Variants in DLC1 observed in about 807,000 individuals in gnomAD.
DLC1 encodes DLC1 Rho GTPase activating protein.
Under a neutral mutation model 140.3 loss-of-function variants are expected in DLC1, and 54 were observed. The ratio of observed to expected loss-of-function variants is 0.38; its 90% CI spans 0.31 to 0.48. The LOEUF (loss-of-function observed/expected upper bound fraction) is 0.48. DLC1 is among the 20% of genes least tolerant of loss of function. The pLI, the probability that DLC1 is intolerant of heterozygous loss-of-function variation, is 0.96. For missense variants in DLC1, 2,536 were observed against 1,907.0 expected (o/e 1.33, Z -6.14); for synonymous variants, 986 against 728.1 (o/e 1.35, Z -5.70).
chr8:13,234,273 T>C (rs1396884192), intron 5 of DLC1, among the ~76,000 whole-genome samples: 3 of 152,168 alleles, frequency 2.0e-5, no homozygotes, highest in African/African-American at 7.2e-5. Flanking sequence ...TAGTTACTTT[T>C]CATGTAACTT....
intron 5 of DLC1, among the ~76,000 whole-genome samples, chr8:13,284,316 C>G (rs1586069345): frequency 1.3e-5 from 2 of 152,170 alleles, no homozygotes; most frequent in African/African-American, 4.8e-5. Flanking sequence ...CACCTAACGT[C>G]AGGAGTTCGA....
chr8:13,395,710 G>A (rs289566), intron 3 of DLC1, among the ~76,000 whole-genome samples: 60,658 of 151,864 alleles, frequency 0.4, 12,532 homozygotes, highest in East Asian at 0.77. Context: ...AAAGACATAC[G>A]CAGCAAAAAG....
At chr8:13,503,999 A>G (rs1421735457) in intron 1 of DLC1, among the ~76,000 whole-genome samples, 8 of 152,248 alleles carry the variant, frequency 5.3e-5, no homozygotes, top group African/African-American at 1.9e-4. Context: ...GATTTCTACT[A>G]TTCTAGAATT....
chr8:13,135,204 CT>C (rs548207973), intron 5 of DLC1, among the ~76,000 whole-genome samples: 24,593 of 130,998 alleles, frequency 0.19, 2,031 homozygotes, highest in African/African-American at 0.32. Context: ...AGTGAGAAGC[CT>C]TTTTTTTTTT....
intron 1 of DLC1, among the ~76,000 whole-genome samples, chr8:13,549,403 T>G (rs1049480191): frequency 6.6e-6 from 1 of 152,158 alleles, no homozygotes; most frequent in African/African-American, 2.4e-5. Flanking sequence ...TTGAAAAGTA[T>G]TTCAAAACAC....
intron 5 of DLC1, among the ~76,000 whole-genome samples, chr8:13,207,379 G>A (rs111452617): frequency 2.6e-5 from 4 of 152,162 alleles, no homozygotes; most frequent in African/African-American, 4.8e-5. Context: ...TATTTTGTCC[G>A]TTTGGAGTTA....
At chr8:13,595,100 A>G (rs1214694736) in intron 1 of DLC1, among the ~76,000 whole-genome samples, 1 of 152,078 alleles carries the variant, frequency 6.6e-6, no homozygotes, top group African/African-American at 2.4e-5. Flanking sequence ...GTAATGACCA[A>G]TGATCACTTG....
At chr8:13,497,253 A>T (rs952821019) in intron 2 of DLC1, among the ~76,000 whole-genome samples, 1 of 152,212 alleles carries the variant, frequency 6.6e-6, no homozygotes, top group East Asian at 1.9e-4. Context: ...TGCCAATTCA[A>T]TGGTATTTTA....
chr8:13,584,823 C>T (rs1302901540), intron 1 of DLC1, among the ~76,000 whole-genome samples: 1 of 152,132 alleles, frequency 6.6e-6, no homozygotes, highest in Non-Finnish European at 1.5e-5. Flanking sequence ...CTCTTCCTAC[C>T]CAATCCTCCC....
intron 2 of DLC1, among the ~76,000 whole-genome samples, chr8:13,414,641 T>A (rs553864681): frequency 1.3e-5 from 2 of 152,172 alleles, no homozygotes; most frequent in Non-Finnish European, 2.9e-5. Flanking sequence ...GGACTCTATA[T>A]GGAAAAGATA....
intron 5 of DLC1, among the ~76,000 whole-genome samples, chr8:13,269,035 G>C (rs1026993547): frequency 1.3e-5 from 2 of 151,786 alleles, no homozygotes; most frequent in Non-Finnish European, 2.9e-5. Context: ...CACCACGCCT[G>C]GCTAATTTTT....
chr8:13,121,379 G>T (rs1821046629), intron 5 of DLC1, among the ~76,000 whole-genome samples: 1 of 152,108 alleles, frequency 6.6e-6, no homozygotes, highest in African/African-American at 2.4e-5. Flanking sequence ...CAGGAATGTT[G>T]TGCAGGTGGA....
intron 2 of DLC1, among the ~76,000 whole-genome samples, chr8:13,463,255 A>C (rs1326090499): frequency 6.6e-6 from 1 of 152,074 alleles, no homozygotes; most frequent in Non-Finnish European, 1.5e-5. Context: ...GATTACTGAA[A>C]TTTGTATCTC....
intron 4 of DLC1, among the ~76,000 whole-genome samples, chr8:13,386,635 C>T (rs1035213117): frequency 2.6e-5 from 4 of 151,998 alleles, no homozygotes; most frequent in Non-Finnish European, 2.9e-5. Context: ...AGTAAATGGC[C>T]GTGGAAATAT....
chr8:13,260,902 T>C (rs759451418), intron 5 of DLC1, among the ~76,000 whole-genome samples: 2 of 152,202 alleles, frequency 1.3e-5, no homozygotes, highest in African/African-American at 2.4e-5. Context: ...TTTTAGTTGG[T>C]TCTCTAGAAG....
intron 1 of DLC1, among the ~76,000 whole-genome samples, chr8:13,570,375 A>G (rs973140868): frequency 1.4e-5 from 2 of 147,984 alleles, no homozygotes; most frequent in Non-Finnish European, 3.0e-5. Flanking sequence ...TACATGTGCC[A>G]TGCTGGTGCG....
intron 5 of DLC1, among the ~76,000 whole-genome samples, chr8:13,255,550 T>G (rs1830186484): frequency 1.3e-5 from 2 of 152,154 alleles, no homozygotes; most frequent in South Asian, 4.1e-4. Context: ...AAATAGTAAA[T>G]GAACAGATGT....
At chr8:13,094,662 T>A in intron 12 of DLC1, 97 bp downstream of exon 12, 1 of 1,344,212 alleles carries the variant, frequency 7.4e-7, no homozygotes, top group Non-Finnish European at 1.0e-6. Flanking sequence ...CGAGACTCCA[T>A]CTCAAAAAAA....
intron 4 of DLC1, among the ~76,000 whole-genome samples, chr8:13,333,316 C>A (rs576169624): frequency 6.6e-6 from 1 of 152,200 alleles, no homozygotes; most frequent in African/African-American, 2.4e-5. Flanking sequence ...GCTTGGAACA[C>A]CTGGGCTCAA....
Sources: gnomAD v4.1 joint callset for allele counts (sites outside exome capture counted in the v4.1 genomes callset) on GRCh38, gnomAD v4.1.1 for gene constraint, MANE v1.5 for transcripts, NCBI Gene and HGNC (gene_info 2026-07-23, HGNC 2026-07-21) for gene names.